The following THEM4 variants were observed in gnomAD, a reference collection of about 807,000 sequenced individuals.
The protein encoded by THEM4 is acyl-coenzyme A thioesterase THEM4.
THEM4 carries 22 observed loss-of-function variants against 25.0 expected under a neutral mutation model. That is an observed-to-expected ratio of 0.88 (90% CI 0.63 to 1.26). The LOEUF is 1.26. THEM4 is among the 50% of genes most tolerant of loss of function. The probability of loss-of-function intolerance (pLI) is 0.00; values close to 1 mark genes in which losing one functional copy is unlikely to be tolerated. For synonymous variants in THEM4, 113 were observed against 105.6 expected (o/e 1.07, Z -0.43); for missense variants, 286 against 300.3 (o/e 0.95, Z 0.35).
intron 1 of THEM4, among the ~76,000 whole-genome samples, chr1:151,906,390 C>T (rs959089055): frequency 1.3e-5 from 2 of 152,262 alleles, no homozygotes; most frequent in African/African-American, 2.4e-5. Context: ...GGGCTCGGGA[C>T]CTGCAGCCTG....
At chr1:151,894,723 GGT>G in intron 2 of THEM4, 1 of 571,808 alleles carries the variant, frequency 1.7e-6, no homozygotes, top group South Asian at 2.3e-5. Flanking sequence ...AAGACGGAGA[GGT>G]GATGAGGTTG....
chr1:151,903,527 T>A (rs1286837396), intron 1 of THEM4, among the ~76,000 whole-genome samples: 1 of 152,246 alleles, frequency 6.6e-6, no homozygotes, highest in African/African-American at 2.4e-5. Flanking sequence ...AATGAAAATG[T>A]CCACTGGAAC....
intron 2 of THEM4, among the ~76,000 whole-genome samples, chr1:151,893,616 C>T (rs1654145020): frequency 6.6e-6 from 1 of 151,998 alleles, no homozygotes; most frequent in Admixed American, 6.6e-5. Context: ...AGCAGAACAT[C>T]AGGCACAGAT....
rs369350950 is a variant in THEM4, at chr1:151,895,207, A to G, written c.100-13T>C. Reference sequence around the variant, plus strand: ...AAGAAAATGACCTCTAAAAGACAGAAGAAAAAGAAAAGTAAGTAATGGGAG... The same window carrying G: ...AAGAAAATGACCTCTAAAAGACAGAGGAAAAAGAAAAGTAAGTAATGGGAG... On this transcript the variant is annotated splice_polypyrimidine_tract_variant and intron_variant, in intron 1 of 5. Coordinates refer to ENST00000368814, the MANE Select transcript of THEM4 (RefSeq NM_053055.5). 168 of 1,588,350 alleles carry G rather than the reference A, an allele frequency of 1.1e-4. No individual in the cohort carries two copies. The highest frequency in any genetic ancestry group is 1.3e-4 in the Non-Finnish European group (158 of 1,172,610).
chr1:151,891,918 A>G lies in THEM4; in HGVS notation c.287-2545T>C, dbSNP rs1654102869. Among the ~76,000 whole-genome samples the G allele has an allele frequency of 5.3e-5, 8 of 152,278 alleles. No homozygotes were observed. In the South Asian group the frequency reaches 1.7e-3, roughly 32 times the overall value. Reference sequence around the variant, plus strand: ...AGGAGGAGAAGAAGAGGAGGGTGACAAAGTTAGATGGTATAAACTCAAAGA... The same window carrying G: ...AGGAGGAGAAGAAGAGGAGGGTGACGAAGTTAGATGGTATAAACTCAAAGA... On this transcript the variant is annotated intron_variant, in intron 2 of 5. Transcript: ENST00000368814.
intron 1 of THEM4, among the ~76,000 whole-genome samples, chr1:151,897,955 A>C (rs1000625455): frequency 3.3e-5 from 5 of 152,188 alleles, no homozygotes; most frequent in Admixed American, 3.3e-4. Context: ...CTGGGTCCCC[A>C]AGCAGCCCAT....
Position 151,874,953 on chromosome 1 carries a change from T to C in THEM4, c.683-25A>G, listed in dbSNP as rs1216249069. The C allele has an allele frequency of 1.3e-6, 2 of 1,589,440 alleles. 1 individual carries two copies. The highest frequency in any genetic ancestry group is 2.2e-5 in the South Asian group (2 of 90,576). On this transcript the variant is annotated intron_variant, in intron 5 of 5. Transcript: ENST00000368814. ...CCTAAACAAACAAAATAACAGCAGA[T>C]GATTATATGTCAACTGACTTCAATT...
At chr1:151,876,675 C>T (rs970510669) in intron 5 of THEM4, among the ~76,000 whole-genome samples, 2 of 152,044 alleles carry the variant, frequency 1.3e-5, no homozygotes, top group South Asian at 4.2e-4. Context: ...TCTCGAACTC[C>T]TGGGCTCAAG....
chr1:151,891,651 T>C (rs116460007), intron 2 of THEM4, among the ~76,000 whole-genome samples: 1 of 152,144 alleles, frequency 6.6e-6, no homozygotes. Context: ...GAAAACAGGA[T>C]GTTTAAATGT....
intron 2 of THEM4, among the ~76,000 whole-genome samples, chr1:151,892,422 C>A (rs1189317031): frequency 6.6e-6 from 1 of 152,090 alleles, no homozygotes; most frequent in Non-Finnish European, 1.5e-5. Context: ...TTCAGTAGAG[C>A]TGTGAGGGTA....
intron 4 of THEM4, among the ~76,000 whole-genome samples, chr1:151,883,344 A>C (rs926267772): frequency 6.6e-6 from 1 of 151,886 alleles, no homozygotes; most frequent in Non-Finnish European, 1.5e-5. Flanking sequence ...TGAACTCCTG[A>C]TCTCAGGTGA....
chr1:151,889,425 C>T (rs761268153), intron 2 of THEM4, 52 bp from the exon 3 acceptor site: 2 of 1,577,228 alleles, frequency 1.3e-6, no homozygotes, highest in South Asian at 2.3e-5. Context: ...AGAGAAATGC[C>T]ATGGCAGAGC....
At chr1:151,875,106 T>C (rs1410649361) in intron 5 of THEM4, among the ~76,000 whole-genome samples, 178 bp from the exon 6 acceptor site, 1 of 152,242 alleles carries the variant, frequency 6.6e-6, no homozygotes, top group Non-Finnish European at 1.5e-5. Context: ...ATCACAATAC[T>C]GTATTACTTC....
chr1:151,885,153 C>T (rs1653939324), intron 4 of THEM4, among the ~76,000 whole-genome samples: 1 of 151,252 alleles, frequency 6.6e-6, no homozygotes, highest in Non-Finnish European at 1.5e-5. Context: ...GAGTATCGCT[C>T]TGTTGCCCAG....
chr1:151,897,560 TTG>T (rs1438322308), intron 1 of THEM4, among the ~76,000 whole-genome samples: 1 of 152,206 alleles, frequency 6.6e-6, no homozygotes, highest in Non-Finnish European at 1.5e-5. Flanking sequence ...TTCTTAATTA[TTG>T]TAGGAACATA....
chr1:151,885,171 T>G (rs1653939749), intron 4 of THEM4, among the ~76,000 whole-genome samples: 1 of 151,992 alleles, frequency 6.6e-6, no homozygotes. Context: ...CAGGCTGGAG[T>G]GCAGTGGCAC....
chr1:151,888,153 G>C, intron 4 of THEM4, 120 bp downstream of exon 4: 1 of 680,738 alleles, frequency 1.5e-6, no homozygotes, highest in South Asian at 2.0e-5. Context: ...TCCCTTGCTA[G>C]TCTCCTCTGG....
Position 151,874,813 on chromosome 1 carries a change from G to T in THEM4, c.*75C>A. The stretch of plus-strand genomic sequence containing the variant: ...CTTCTCCCTACAGGGATTCAGCAGT[G>T]AGGGAGCAGAGTATTTGGGGGACAA... On this transcript the variant is annotated 3_prime_UTR_variant, in exon 6 of 6. Transcript: ENST00000368814. 1.5e-6 allele frequency: 2 copies of T among 1,370,602 alleles called. No individual in the cohort carries two copies. Among genetic ancestry groups the T allele is most frequent in the South Asian group, 1.2e-5 (1 of 86,116 alleles). 84.9% of individuals were successfully genotyped at this position (1,370,602 alleles called of 1,614,324 possible).
At chr1:151,905,354 C>G in intron 1 of THEM4, among the ~76,000 whole-genome samples, 1 of 152,118 alleles carries the variant, frequency 6.6e-6, no homozygotes, top group Non-Finnish European at 1.5e-5. Flanking sequence ...GTCCACAAGA[C>G]TGATCTTTCC....
Sources: gnomAD v4.1 joint callset for allele counts (sites outside exome capture counted in the v4.1 genomes callset) on GRCh38, gnomAD v4.1.1 for gene constraint, MANE v1.5 for transcripts, NCBI Gene and HGNC (gene_info 2026-07-23, HGNC 2026-07-21) for gene names.